Variants in SAMM50 observed in about 807,000 individuals in gnomAD.
The protein encoded by SAMM50 is SAMM50 sorting and assembly machinery component.
SAMM50 carries 47 observed loss-of-function variants against 66.9 expected under a neutral mutation model. That is an observed-to-expected ratio of 0.70 (90% confidence interval 0.56 to 0.90). The LOEUF is 0.90. Among genes scored for constraint, SAMM50 ranks in the 40% least tolerant of loss-of-function variants. SAMM50 has a pLI of 0.00. For synonymous variants in SAMM50, 191 were observed against 214.1 expected (o/e 0.89, Z 0.94); for missense variants, 535 against 595.3 (o/e 0.90, Z 1.05).
chr22:43,966,869 T>G (rs1180812101), intron 3 of SAMM50, among the ~76,000 whole-genome samples: 2 of 152,186 alleles, frequency 1.3e-5, no homozygotes, highest in Non-Finnish European at 2.9e-5. Context: ...TGGTGTCTTC[T>G]GTCTTCCATT....
At chr22:43,957,233 A>G (rs1426354798) in intron 1 of SAMM50, 1 of 668,836 alleles carries the variant, frequency 1.5e-6, no homozygotes. Flanking sequence ...ATCTGGGGAA[A>G]GGTAACTCGG....
chr22:43,981,171 G>T (rs1278049030), intron 10 of SAMM50, among the ~76,000 whole-genome samples: 1 of 152,236 alleles, frequency 6.6e-6, no homozygotes, highest in Non-Finnish European at 1.5e-5. Context: ...GGTGTGTCTT[G>T]ATTTGGACTT....
rs909960816 is a variant in SAMM50 at position 43,963,899 on chromosome 22, G to T, written c.132+503G>T. Among the ~76,000 whole-genome samples, 39 of 151,462 alleles carry T rather than the reference G, an allele frequency of 2.6e-4. 1 individual carries two copies. The highest frequency in any genetic ancestry group is 9.0e-4 in the African/African-American group (37 of 41,026). The stretch of plus-strand genomic sequence containing the variant: ...TAGAGGATGCATACAGTTTTGTTTT[G>T]TTTTTTTTATTTTTAAAATTTTTTT... On this transcript the variant is annotated intron_variant, in intron 2 of 14. Transcript: ENST00000350028.
chr22:43,980,463 G>T (rs2050259562), intron 10 of SAMM50, among the ~76,000 whole-genome samples: 1 of 151,636 alleles, frequency 6.6e-6, no homozygotes, highest in South Asian at 2.1e-4. Context: ...CCCGAGCACA[G>T]CCCAGAGCAC....
At chr22:43,957,937 A>G (rs2050128394) in intron 1 of SAMM50, among the ~76,000 whole-genome samples, 1 of 152,030 alleles carries the variant, frequency 6.6e-6, no homozygotes, top group East Asian at 1.9e-4. Flanking sequence ...TTTTTGTATT[A>G]GTAGAGACGG....
At chr22:43,960,686 G>T (rs9614294) in intron 1 of SAMM50, among the ~76,000 whole-genome samples, 1 of 151,976 alleles carries the variant, frequency 6.6e-6, no homozygotes, top group Non-Finnish European at 1.5e-5. Flanking sequence ...CCGAGATTGC[G>T]CCATTACACT....
intron 9 of SAMM50, among the ~76,000 whole-genome samples, chr22:43,977,118 C>A (rs1400001328): frequency 6.6e-6 from 1 of 152,142 alleles, no homozygotes; most frequent in East Asian, 1.9e-4. Flanking sequence ...CTTGGTGTTA[C>A]CTGGGAGAGA....
chr22:43,964,344 A>G, intron 2 of SAMM50, 108 bp from the exon 3 acceptor site: 1 of 610,272 alleles, frequency 1.6e-6, no homozygotes, highest in Non-Finnish European at 3.0e-6. Context: ...GGATTATTAA[A>G]CTTGAAGAAA....
chr22:43,996,467 T>G lies in SAMM50; in HGVS notation c.*84T>G. The G allele has an allele frequency of 8.1e-5, 106 of 1,312,266 alleles. No individual in the cohort carries two copies. The highest frequency in any genetic ancestry group is 1.1e-4 in the Non-Finnish European group (97 of 905,380). The allele number at this position is 1,312,266 out of a possible 1,614,324, so 81.3% of individuals were successfully genotyped here. On this transcript the variant is annotated 3_prime_UTR_variant, in exon 15 of 15. Coordinates refer to ENST00000350028, the MANE Select transcript of SAMM50 (RefSeq NM_015380.5). ...ACACCGTCTCTCGAGGAAACGCGGT[T>G]CAGCGATTCTTTGACTGCGGACCCT...
intron 5 of SAMM50, 92 bp from the exon 6 acceptor site, chr22:43,972,779 G>T (rs2050210110): frequency 1.7e-6 from 2 of 1,194,428 alleles, no homozygotes; most frequent in African/African-American, 1.6e-5. Flanking sequence ...CTGTTTTTAT[G>T]AAAGTCCCTT....
intron 1 of SAMM50, among the ~76,000 whole-genome samples, chr22:43,958,101 G>A (rs1024049375): frequency 2.0e-5 from 3 of 152,150 alleles, no homozygotes; most frequent in African/African-American, 4.8e-5. Context: ...TATTTGGACC[G>A]CACTATTGCA....
intron 14 of SAMM50, among the ~76,000 whole-genome samples, chr22:43,992,724 T>C (rs1346426440): frequency 2.6e-5 from 4 of 152,240 alleles, no homozygotes; most frequent in Admixed American, 1.3e-4. Flanking sequence ...TGCAGAGCCC[T>C]TGGCGCACCG....
chr22:43,965,016 C>T (rs971033818), intron 3 of SAMM50, among the ~76,000 whole-genome samples: 2 of 151,976 alleles, frequency 1.3e-5, no homozygotes, highest in African/African-American at 4.8e-5. Flanking sequence ...TTTCTCATCT[C>T]CACTGTGGGT....
At chr22:43,980,933 G>A (rs916188287) in intron 10 of SAMM50, among the ~76,000 whole-genome samples, 18 of 152,342 alleles carry the variant, frequency 1.2e-4, no homozygotes, top group Non-Finnish European at 1.0e-4. Context: ...GGTTGGGAGT[G>A]CGTCTCTGCA....
rs780349829 is a variant in SAMM50 at position 43,963,415 on chromosome 22, G to T, written c.132+19G>T. ...CAAAGATGTGAGTTTTCTGTTGAAG[G>T]TCTTGATAGAATTGTTAGTGGAAAC... is the stretch of plus-strand genomic sequence containing the variant. On this transcript the variant is annotated intron_variant, in intron 2 of 14. Transcript: ENST00000350028. 3 of 1,486,286 alleles carry T rather than the reference G, an allele frequency of 2.0e-6. No individual in the cohort carries two copies. Among genetic ancestry groups the T allele is most frequent in the Admixed American group, 1.7e-5 (1 of 58,108 alleles). 92.1% of individuals were successfully genotyped at this position (1,486,286 alleles called of 1,614,324 possible).
intron 7 of SAMM50, 103 bp downstream of exon 7, chr22:43,973,426 C>A: frequency 1.4e-6 from 1 of 699,086 alleles, no homozygotes; most frequent in Non-Finnish European, 2.6e-6. Context: ...AAGCACAGGC[C>A]CTCTGCCCTC....
intron 10 of SAMM50, 24 bp downstream of exon 10, chr22:43,977,982 A>AGGTG: frequency 2.0e-6 from 3 of 1,480,570 alleles, no homozygotes; most frequent in Non-Finnish European, 2.8e-6. Context: ...GGATGCTGGC[A>AGGTG]CCTGCACTGT....
At chr22:43,964,152 G>T (rs1017309089) in intron 2 of SAMM50, among the ~76,000 whole-genome samples, 5 of 152,192 alleles carry the variant, frequency 3.3e-5, no homozygotes, top group Non-Finnish European at 7.3e-5. Context: ...TGCATGTTAG[G>T]AAGGACAGAG....
intron 10 of SAMM50, among the ~76,000 whole-genome samples, chr22:43,978,805 G>A (rs543958870): frequency 6.6e-6 from 1 of 152,266 alleles, no homozygotes; most frequent in Non-Finnish European, 1.5e-5. Flanking sequence ...GGGCAGCTCT[G>A]CCCTGCCTTT....
Sources: allele counts gnomAD v4.1 joint callset (sites outside exome capture counted in the v4.1 genomes callset), GRCh38; gene constraint gnomAD v4.1.1; transcripts MANE v1.5; gene names NCBI Gene and HGNC (gene_info 2026-07-23, HGNC 2026-07-21).